The following USP48 variants were observed in gnomAD, a reference collection of about 807,000 sequenced individuals.
USP48 encodes ubiquitin specific peptidase 48, also known as ubiquitin carboxyl-terminal hydrolase 48.
USP48 carries 43 observed loss-of-function variants against 150.7 expected under a neutral mutation model. The observed-to-expected ratio is 0.29, with a 90% CI of 0.22 to 0.37. The LOEUF (loss-of-function observed/expected upper bound fraction) is 0.37. Ranked by LOEUF, USP48 falls within the 10% of genes least tolerant of loss-of-function variation. USP48 has a pLI of 1.00. For missense variants in USP48, 813 were observed against 1,249.6 expected (o/e 0.65, Z 5.27); for synonymous variants, 396 against 425.9 (o/e 0.93, Z 0.86).
At chr1:21,727,554 T>C (rs1474798896) in intron 11 of USP48, among the ~76,000 whole-genome samples, 2 of 152,182 alleles carry the variant, frequency 1.3e-5, no homozygotes, top group Non-Finnish European at 2.9e-5. Context: ...TGAATAAAGT[T>C]TGGAAAATAG....
intron 23 of USP48, among the ~76,000 whole-genome samples, chr1:21,690,387 A>G (rs1009879769): frequency 6.6e-5 from 10 of 152,204 alleles, no homozygotes; most frequent in South Asian, 2.1e-4. Context: ...GTGGGGAAAT[A>G]AAATGAATAA....
chr1:21,761,023 G>C (rs1484034991), intron 1 of USP48, among the ~76,000 whole-genome samples: 2 of 151,994 alleles, frequency 1.3e-5, no homozygotes, highest in Non-Finnish European at 2.9e-5. Context: ...GAGCCCAGCA[G>C]GGTGAAGGTT....
chr1:21,760,349 G>A (rs1248013185), intron 1 of USP48, among the ~76,000 whole-genome samples: 4 of 152,208 alleles, frequency 2.6e-5, no homozygotes, highest in Admixed American at 2.6e-4. Flanking sequence ...AACAGTAAAA[G>A]ACTGGAAATT....
intron 9 of USP48, among the ~76,000 whole-genome samples, chr1:21,730,993 T>C (rs1434375294): frequency 6.6e-6 from 1 of 152,020 alleles, no homozygotes; most frequent in Non-Finnish European, 1.5e-5. Flanking sequence ...TCTACTGACC[T>C]CACAATCTGC....
intron 9 of USP48, among the ~76,000 whole-genome samples, chr1:21,734,211 G>C (rs333181): frequency 0.81 from 122,855 of 151,992 alleles, 50,437 homozygotes; most frequent in Admixed American, 0.88. Flanking sequence ...GCAACCTGGG[G>C]AACCCAGGGA....
chr1:21,720,820 C>T (rs1225636883), intron 14 of USP48, among the ~76,000 whole-genome samples: 2 of 152,056 alleles, frequency 1.3e-5, no homozygotes, highest in Admixed American at 1.3e-4. Flanking sequence ...CATGAACCAC[C>T]GCACCCAGAC....
intron 1 of USP48, among the ~76,000 whole-genome samples, chr1:21,778,124 C>CA (rs2097904624): frequency 6.7e-6 from 1 of 149,728 alleles, no homozygotes; most frequent in Admixed American, 6.7e-5. Context: ...GCCTGGGTGA[C>CA]AGAGTGAGAC....
chr1:21,782,758 C>T, intron 1 of USP48, 66 bp downstream of exon 1: 2 of 1,472,732 alleles, frequency 1.4e-6, no homozygotes, highest in Non-Finnish European at 1.8e-6. Flanking sequence ...TTCCTTTCCC[C>T]TACCCCGCCC....
chr1:21,741,753 A>C (rs1447596919), intron 8 of USP48, among the ~76,000 whole-genome samples: 1 of 152,116 alleles, frequency 6.6e-6, no homozygotes, highest in Non-Finnish European at 1.5e-5. Flanking sequence ...AGGCAAGAGG[A>C]CTGCTTAAGG....
chr1:21,752,574 G>A lies in USP48; in HGVS notation c.618C>T (p.Arg206=), dbSNP rs749913781. The change falls in exon 5 of 27, where the codon CGC becomes CGT. Residue 206 remains arginine (R), a synonymous_variant. Coordinates refer to ENST00000308271, the MANE Select transcript of USP48 (RefSeq NM_032236.8). ...TLSKQKNPDV[R]NIVQQQFCGE... is the part of the protein sequence containing the mutation. ...CACAGAACTGCTGTTGAACAATATT[G>A]CGCACATCTGGATTCTTTTGTTTAG... is the stretch of plus-strand genomic sequence containing the variant. 6.2e-7 allele frequency: 1 copy of A among 1,613,328 alleles called. No individual in the cohort carries two copies. The highest frequency in any genetic ancestry group is 1.7e-5 in the Admixed American group (1 of 59,724).
At chr1:21,694,506 G>A (rs2097615969) in intron 23 of USP48, among the ~76,000 whole-genome samples, 1 of 135,910 alleles carries the variant, frequency 7.4e-6, no homozygotes, top group South Asian at 2.4e-4. Flanking sequence ...GTAGGCGGAG[G>A]TTGCAGTGAG....
At chr1:21,711,907 G>GA (rs891168244) in intron 15 of USP48, among the ~76,000 whole-genome samples, 4 of 152,202 alleles carry the variant, frequency 2.6e-5, no homozygotes, top group Admixed American at 6.5e-5. Context: ...AATTTTCACG[G>GA]AAAAAATATT....
chr1:21,705,755 C>A lies in USP48; in HGVS notation c.2356G>T (p.Ala786Ser). ...TTAGAATCTTCTTTGGTCATGGAAG[C>A]AAATGTAAACATGAGGCCCCCGTGG... ...CPHGGLMFTF[A>S]SMTKEDSKLI... Residue 786 changes from alanine to serine, a missense_variant, in exon 19 of 27, where the codon GCT becomes TCT. Transcript: ENST00000308271. 2 of 1,610,550 alleles carry A rather than the reference C, an allele frequency of 1.2e-6. No homozygotes were observed. The highest frequency in any genetic ancestry group is 1.7e-4 in the Middle Eastern group (1 of 6,050).
chr1:21,719,190 C>T (rs575473615), intron 14 of USP48, among the ~76,000 whole-genome samples: 18 of 16,154 alleles, frequency 1.1e-3, no homozygotes, highest in Non-Finnish European at 1.1e-3. Flanking sequence ...TTGAACTGGG[C>T]GGAGGGACGG....
At chr1:21,782,114 A>C (rs1410592908) in intron 1 of USP48, 1 of 152,230 alleles carries the variant, frequency 6.6e-6, no homozygotes, top group African/African-American at 2.4e-5. Flanking sequence ...AACATTCTGA[A>C]ACAAAAACTA....
chr1:21,743,388 A>C (rs1338706456), intron 8 of USP48, among the ~76,000 whole-genome samples: 1 of 152,178 alleles, frequency 6.6e-6, no homozygotes, highest in Non-Finnish European at 1.5e-5. Flanking sequence ...GGGAGGAACA[A>C]AGTATGATAA....
intron 15 of USP48, among the ~76,000 whole-genome samples, chr1:21,708,904 AAAGAAAAG>A (rs1557465928): frequency 0.42 from 23,044 of 54,540 alleles, 4,257 homozygotes; most frequent in Non-Finnish European, 0.55. Context: ...AAAAAAAAAG[AAAGAAAAG>A]AAAAGAAAAG....
chr1:21,763,624 G>A (rs1314123333), intron 1 of USP48, among the ~76,000 whole-genome samples: 1 of 152,298 alleles, frequency 6.6e-6, no homozygotes, highest in African/African-American at 2.4e-5. Flanking sequence ...GACCAGCCTG[G>A]CTGACATAGA....
At chr1:21,763,247 T>C (rs1443779189) in intron 1 of USP48, among the ~76,000 whole-genome samples, 1 of 152,206 alleles carries the variant, frequency 6.6e-6, no homozygotes, top group African/African-American at 2.4e-5. Flanking sequence ...TATCACTGAA[T>C]ACGTCTTCAG....
Sources: allele counts gnomAD v4.1 joint callset (sites outside exome capture counted in the v4.1 genomes callset), GRCh38; gene constraint gnomAD v4.1.1; transcripts MANE v1.5; gene names NCBI Gene and HGNC (gene_info 2026-07-23, HGNC 2026-07-21).